PRPF8: variants seen among roughly 807,000 people sequenced by gnomAD.
The protein encoded by PRPF8 is pre-mRNA-processing-splicing factor 8.
In PRPF8, 64 loss-of-function variants were observed where a neutral mutation model predicts 285.9. That is an observed-to-expected ratio of 0.22 (90% CI 0.18 to 0.28). The LOEUF (loss-of-function observed/expected upper bound fraction) is 0.28. PRPF8 is among the 10% of genes least tolerant of loss of function. The probability of loss-of-function intolerance (pLI) is 1.00; values close to 1 mark genes in which losing one functional copy is unlikely to be tolerated. For missense variants in PRPF8, 1,426 were observed against 3,026.7 expected (o/e 0.47, Z 12.41); for synonymous variants, 1,325 against 1,118.2 (o/e 1.18, Z -3.69).
At chr17:1,678,938 T>A in intron 11 of PRPF8, 57 bp from the exon 12 acceptor site, 1 of 1,613,684 alleles carries the variant, frequency 6.2e-7, no homozygotes, top group East Asian at 2.2e-5. Flanking sequence ...CCAACTGATG[T>A]ATGCCTTCAT....
intron 14 of PRPF8, 37 bp from the exon 15 acceptor site, chr17:1,677,209 A>C: frequency 6.3e-7 from 1 of 1,581,270 alleles, no homozygotes. Context: ...TACAAGGAAG[A>C]TTCCTTGCTT....
chr17:1,677,205 G>C, intron 14 of PRPF8, 33 bp from the exon 15 acceptor site: 3 of 1,601,510 alleles, frequency 1.9e-6, no homozygotes, highest in Non-Finnish European at 2.6e-6. Flanking sequence ...GGATTACAAG[G>C]AAGATTCCTT....
chr17:1,671,904 T>G (rs950302183), intron 24 of PRPF8, among the ~76,000 whole-genome samples: 1 of 149,118 alleles, frequency 6.7e-6, no homozygotes, highest in Non-Finnish European at 1.5e-5. Flanking sequence ...TGGTGGCGTA[T>G]GCACCTGTGG....
At position 1,674,587 on chromosome 17, in the gene PRPF8, C is replaced by G; in HGVS notation, c.3154G>C (p.Val1052Leu). ...TCACTGGCCCGGTGCAATCCCAATACAAGCAAATCCATCACCAGGCCATAA... is the reference window on the plus strand; with the variant it reads ...TCACTGGCCCGGTGCAATCCCAATAGAAGCAAATCCATCACCAGGCCATAA... ...QYYGLVMDLL[V>L]LGLHRASEMA... Residue 1052 changes from valine to leucine, a missense_variant, in exon 21 of 43, where the codon GTA becomes CTA. By Grantham distance (32) the Val-to-Leu change is conservative. Coordinates refer to ENST00000304992, the MANE Select transcript of PRPF8 (RefSeq NM_006445.4). 6.2e-7 allele frequency: 1 copy of G among 1,614,128 alleles called. No individual in the cohort carries two copies. Among genetic ancestry groups the G allele is most frequent in the Non-Finnish European group, 8.5e-7 (1 of 1,180,024 alleles).
At chr17:1,660,172 C>T (rs531364970) in intron 30 of PRPF8, among the ~76,000 whole-genome samples, 171 bp from the exon 31 acceptor site, 29 of 151,988 alleles carry the variant, frequency 1.9e-4, no homozygotes, top group African/African-American at 5.3e-4. Context: ...GCTCTCCCCG[C>T]GATTCCACCT....
In PRPF8 at chr17:1,661,499, C is replaced by G. The variant is rs1911675332; in HGVS notation, c.4203-93G>C. The G allele has an allele frequency of 6.2e-7, 1 of 1,608,920 alleles. No individual in the cohort carries two copies. Among genetic ancestry groups the G allele is most frequent in the Non-Finnish European group, 8.5e-7 (1 of 1,177,632 alleles). ...CCAAAAATAATTAGGGTCAGTAGAA[C>G]CAGCCTTCTCACCTCCATACAACCA... is the stretch of plus-strand genomic sequence containing the variant. On this transcript the variant is annotated intron_variant, in intron 26 of 42. Coordinates refer to ENST00000304992, the MANE Select transcript of PRPF8 (RefSeq NM_006445.4). The surrounding 1 kb of genome is among the most constrained non-coding windows in gnomAD (Gnocchi z 7.3).
At position 1,679,360 on chromosome 17, in the gene PRPF8, T is replaced by A; in HGVS notation, c.1340A>T (p.Tyr447Phe). ...AGQPVKVRVS[Y>F]QKLLKYYVLN... ...CACATAGTACTTAAGCAGCTTCTGGTAGGAGACCCTCACTTTCACAGGCTG... is the reference window on the plus strand; with the variant it reads ...CACATAGTACTTAAGCAGCTTCTGGAAGGAGACCCTCACTTTCACAGGCTG... Residue 447 changes from tyrosine (Y) to phenylalanine (F), a missense_variant, in exon 10 of 43, where the codon TAC becomes TTC. Tyr to Phe is a conservative substitution (Grantham distance 22). Transcript: ENST00000304992. The surrounding 1 kb of genome is among the most constrained non-coding windows in gnomAD (Gnocchi z 4.7). 6.2e-7 allele frequency: 1 copy of A among 1,613,952 alleles called. No individual in the cohort carries two copies.
chr17:1,683,502 C>G, intron 3 of PRPF8, 31 bp downstream of exon 3: 2 of 1,613,680 alleles, frequency 1.2e-6, no homozygotes, highest in African/African-American at 2.7e-5. Context: ...GGGCCAAATT[C>G]CAAATGAAAT....
chr17:1,654,192 C>T (rs1488225671), intron 37 of PRPF8, 176 bp from the exon 38 acceptor site: 2 of 908,884 alleles, frequency 2.2e-6, no homozygotes, highest in East Asian at 4.8e-5. Context: ...TTCCAAGATT[C>T]GTCAGATCCA....
At chr17:1,677,791 A>G (rs1292498966) in intron 13 of PRPF8, 97 bp from the exon 14 acceptor site, 2 of 1,487,734 alleles carry the variant, frequency 1.3e-6, no homozygotes, top group East Asian at 2.3e-5. Context: ...TATAATATAC[A>G]TACAGAGGAA....
At chr17:1,667,192 A>C (rs1912039229) in intron 24 of PRPF8, among the ~76,000 whole-genome samples, 1 of 151,576 alleles carries the variant, frequency 6.6e-6, no homozygotes, top group Non-Finnish European at 1.5e-5. Context: ...AAGGAGGGCC[A>C]GGGGCCAGGA....
intron 12 of PRPF8, 24 bp from the exon 13 acceptor site, chr17:1,678,676 A>T: frequency 2.5e-6 from 4 of 1,614,124 alleles, no homozygotes; most frequent in Non-Finnish European, 3.4e-6. Flanking sequence ...GCCCCATCAG[A>T]CCTGGAGCTT....
At position 1,658,416 on chromosome 17, in the gene PRPF8, A is replaced by G; in HGVS notation, c.5377-35T>C. ...GACGGCATTCGTTAGCATGGCCTAC[A>G]CAACACATCCCCATCCTGCCTTCTT... On this transcript the variant is annotated intron_variant, in intron 33 of 42. Transcript: ENST00000304992. This position sits in a 1 kb window ranked among gnomAD's most constrained non-coding sequence, Gnocchi z 4.1. The G allele has an allele frequency of 1.2e-6, 2 of 1,614,190 alleles. No individual in the cohort carries two copies. Among genetic ancestry groups the G allele is most frequent in the Non-Finnish European group, 1.7e-6 (2 of 1,180,022 alleles).
At position 1,679,899 on chromosome 17, in the gene PRPF8, C is replaced by T. The variant is rs1226161452; in HGVS notation, c.1099-100G>A. ...GGGCCAAGCACAAAGCCTGTATCTG[C>T]TATGGAAACTGGGCTGTCTGACAAA... is the stretch of plus-strand genomic sequence containing the variant. On this transcript the variant is annotated intron_variant, in intron 8 of 42. Coordinates refer to ENST00000304992, the MANE Select transcript of PRPF8 (RefSeq NM_006445.4). This position sits in a 1 kb window ranked among gnomAD's most constrained non-coding sequence, Gnocchi z 4.7. The T allele has an allele frequency of 1.4e-6, 2 of 1,381,262 alleles. No individual in the cohort carries two copies. Among genetic ancestry groups the T allele is most frequent in the Admixed American group, 1.7e-5 (1 of 59,250 alleles). 85.6% of individuals were successfully genotyped at this position (1,381,262 alleles called of 1,614,324 possible). A position where few individuals can be genotyped will look rare whatever the true frequency, so the allele number is the denominator to read the frequency against.
chr17:1,670,456 C>T (rs1283713575), intron 24 of PRPF8, among the ~76,000 whole-genome samples: 1 of 152,174 alleles, frequency 6.6e-6, no homozygotes, highest in Non-Finnish European at 1.5e-5. Context: ...CCTCTTCCTA[C>T]CTCTACTTTC....
At chr17:1,680,704 A>G (rs1178857113) in intron 8 of PRPF8, 22 bp downstream of exon 8, 4 of 1,587,258 alleles carry the variant, frequency 2.5e-6, no homozygotes, top group Non-Finnish European at 3.5e-6. Flanking sequence ...AGCTGAGGGA[A>G]AGCATCCCTT....
At position 1,651,333 on chromosome 17, in the gene PRPF8, G is replaced by GT. The variant is rs1352232164; in HGVS notation, c.6651-24dup. The GT allele has an allele frequency of 1.2e-6, 2 of 1,614,094 alleles. No individual in the cohort carries two copies. Among genetic ancestry groups the GT allele is most frequent in the Admixed American group, 1.7e-5 (1 of 60,010 alleles). ...AAGCTGGGGGAGGAACGAGGACAGAGTAACAGCTCAGGCCACTGTTCTGGG... is the reference window on the plus strand; with the variant it reads ...AAGCTGGGGGAGGAACGAGGACAGAGTTAACAGCTCAGGCCACTGTTCTGGG... On this transcript the variant is annotated intron_variant, in intron 41 of 42. Transcript: ENST00000304992. The surrounding 1 kb of genome is among the most constrained non-coding windows in gnomAD (Gnocchi z 5.1).
rs1192434205 is a variant in PRPF8 at position 1,658,351 on chromosome 17, T to C, written c.5407A>G (p.Ile1803Val). Residue 1803 changes from isoleucine (I) to valine (V), a missense_variant, in exon 34 of 43, where the codon ATC becomes GTC. Ile to Val is a conservative substitution (Grantham distance 29). This residue lies in a region of PRPF8 where 19 missense variants were observed against 92.8 expected (regional missense o/e 0.20). Transcript: ENST00000304992. The surrounding 1 kb of genome is among the most constrained non-coding windows in gnomAD (Gnocchi z 4.1). The part of the protein sequence containing the change: ...TFEGNLTTKP[I>V]NGAIFIFNPR... ...TTGAAGATGAAGATGGCTCCGTTGATGGGCTTGGTTGTCAAGTTCCCTTCA... is the reference window on the plus strand; with the variant it reads ...TTGAAGATGAAGATGGCTCCGTTGACGGGCTTGGTTGTCAAGTTCCCTTCA... 3 of 1,614,216 alleles carry C rather than the reference T, an allele frequency of 1.9e-6. No individual in the cohort carries two copies. The highest frequency in any genetic ancestry group is 2.5e-6 in the Non-Finnish European group (3 of 1,180,038).
In PRPF8 at chr17:1,675,816, T is replaced by C; in HGVS notation, c.2680-4A>G. On this transcript the variant is annotated splice_polypyrimidine_tract_variant and splice_region_variant and intron_variant, in intron 18 of 42. Coordinates refer to ENST00000304992, the MANE Select transcript of PRPF8 (RefSeq NM_006445.4). This position sits in a 1 kb window ranked among gnomAD's most constrained non-coding sequence, Gnocchi z 6.0. Reference sequence around the variant, plus strand: ...GATCCATGAACTCAATGCCCACCTGTGGGACAAGGAGGCTGGTTCACACCA... The same window carrying C: ...GATCCATGAACTCAATGCCCACCTGCGGGACAAGGAGGCTGGTTCACACCA... 2.5e-6 allele frequency: 4 copies of C among 1,614,092 alleles called. No homozygotes were observed. In the South Asian group the frequency reaches 4.4e-5, roughly 18 times the overall value.
Sources: gnomAD v4.1 joint callset for allele counts (sites outside exome capture counted in the v4.1 genomes callset) on GRCh38, gnomAD v4.1.1 for gene constraint, gnomAD v4.1.1 regional missense constraint, Gnocchi (gnomAD v3.1) non-coding constraint, MANE v1.5 for transcripts, NCBI Gene and HGNC (gene_info 2026-07-23, HGNC 2026-07-21) for gene names.